NCOR2: variants seen among roughly 807,000 people sequenced by gnomAD.
NCOR2 encodes the protein CTG repeat protein 26.
NCOR2 carries 81 observed loss-of-function variants against 262.9 expected under a neutral mutation model. The ratio of observed to expected loss-of-function variants is 0.31; its 90% confidence interval spans 0.26 to 0.37. The LOEUF (loss-of-function observed/expected upper bound fraction) is 0.37. NCOR2 is among the 10% of genes least tolerant of loss of function. The probability of loss-of-function intolerance (pLI) is 1.00; values close to 1 mark genes in which losing one functional copy is unlikely to be tolerated. For missense variants in NCOR2, 3,385 were observed against 3,621.4 expected (o/e 0.93, Z 1.68); for synonymous variants, 1,659 against 1,559.3 (o/e 1.06, Z -1.51).
intron 16 of NCOR2, 41 bp from the exon 19 acceptor site, chr12:124,385,928 G>A (rs374714553): frequency 7.0e-5 from 112 of 1,596,244 alleles, no homozygotes; most frequent in South Asian, 3.1e-4. Flanking sequence ...GGCCAGGCCC[G>A]GCACGCAGAG....
intron 17 of NCOR2, among the ~76,000 whole-genome samples, chr12:124,382,285 C>T (rs544870842): frequency 9.2e-5 from 14 of 152,334 alleles, no homozygotes; most frequent in African/African-American, 2.6e-4. Context: ...ACTGTCAAGA[C>T]GGATGGCCTG....
rs568082454 is a variant in NCOR2 at position 124,373,595 on chromosome 12, G to T, written c.2218+818C>A. 1.6e-3 allele frequency among the ~76,000 whole-genome samples: 206 copies of T among 126,988 alleles called. 6 individuals are homozygous for T. The highest frequency in any genetic ancestry group is 6.6e-3 in the African/African-American group (192 of 29,104). 83.3% of individuals were successfully genotyped at this position (126,988 alleles called of 152,430 possible). A position where few individuals can be genotyped will look rare whatever the true frequency, so the allele number is the denominator to read the frequency against. On this transcript the variant is annotated intron_variant, in intron 19 of 46. Coordinates refer to ENST00000405201, the Ensembl canonical transcript of NCOR2. ...AGTGGGCAGTGAGGCCAGTGCGTGC[G>T]CAGGGGCCCCGGGCACAGTGGGCAG...
chr12:124,327,423 G>A, exon 45 of NCOR2: 7 of 1,610,928 alleles, frequency 4.3e-6, no homozygotes, highest in Non-Finnish European at 5.9e-6. Context: ...CGAGGTGAGT[G>A]TGTGGTCACT....
Position 124,548,394 on chromosome 12 carries a change from A to C in NCOR2, c.-164-12783T>G, listed in dbSNP as rs1305519428. 6.6e-6 allele frequency among the ~76,000 whole-genome samples: 1 copy of C among 152,186 alleles called. No individual in the cohort carries two copies. ...CTTCTGATGGGATCCCTCTGGCTGC[A>C]ACTCAGAGACCAGACAGGTGTGACC... is the stretch of plus-strand genomic sequence containing the variant. On this transcript the variant is annotated intron_variant, in intron 1 of 32. Transcript: ENST00000458234. The surrounding 1 kb of genome is among the most constrained non-coding windows in gnomAD (Gnocchi z 5.1).
At chr12:124,536,018 G>A (rs2051104108), upstream of NCOR2, among the ~76,000 whole-genome samples, 1 of 152,188 alleles carries the variant, frequency 6.6e-6, no homozygotes, top group Non-Finnish European at 1.5e-5. Flanking sequence ...CTGAAGGATG[G>A]GGTCCGGGGG....
In NCOR2 at chr12:124,448,146, G is replaced by T. The variant is rs763496875; in HGVS notation, c.815+1669C>A. Among the ~76,000 whole-genome samples the T allele has an allele frequency of 9.3e-4, 141 of 152,190 alleles. 1 individual carries two copies. Among genetic ancestry groups the T allele is most frequent in the Admixed American group, 8.5e-4 (13 of 15,280 alleles). ...CACAGCAGGCTCTCAATAAAGATGG[G>T]ATGAATGAATGAGGGAATGCCCCAA... On this transcript the variant is annotated intron_variant, in intron 7 of 46. Transcript: ENST00000405201.
At chr12:124,458,797 TA>T (rs1160772680) in intron 5 of NCOR2, among the ~76,000 whole-genome samples, 1 of 152,070 alleles carries the variant, frequency 6.6e-6, no homozygotes, top group Non-Finnish European at 1.5e-5. Flanking sequence ...GGCTTGGGAC[TA>T]GTATTTCCGG....
rs2049875946 is a variant in NCOR2, at chr12:124,517,358, C to A, written c.-118+18207G>T. 6.6e-6 allele frequency among the ~76,000 whole-genome samples: 1 copy of A among 152,222 alleles called. No homozygotes were observed. The highest frequency in any genetic ancestry group is 2.1e-4 in the South Asian group (1 of 4,830). ...CTCAGGACAAATCACTCCCTCATCC[C>A]CCCGGTTTGCAACTAAAGGCTCCTT... On this transcript the variant is annotated intron_variant, in intron 1 of 46. Coordinates refer to the NCOR2 transcript ENST00000404621. The surrounding 1 kb of genome is among the most constrained non-coding windows in gnomAD (Gnocchi z 7.6).
chr12:124,507,018 A>G (rs931581465), intron 1 of NCOR2, among the ~76,000 whole-genome samples: 1 of 152,150 alleles, frequency 6.6e-6, no homozygotes, highest in African/African-American at 2.4e-5. Flanking sequence ...GTTTTGCTTC[A>G]TGGCTAAGAA....
exon 30 of NCOR2, chr12:124,347,886 C>G (rs781039907): frequency 6.4e-7 from 1 of 1,565,816 alleles, no homozygotes; most frequent in Non-Finnish European, 8.7e-7. Context: ...TGTGTCGCTC[C>G]GGCGGGATGG....
intron 10 of NCOR2, among the ~76,000 whole-genome samples, chr12:124,429,188 C>A (rs900856575): frequency 1.3e-5 from 2 of 152,266 alleles, no homozygotes; most frequent in African/African-American, 4.8e-5. Context: ...CTCCCCCCAC[C>A]CTGCCAGGCT....
At chr12:124,428,849 G>A (rs1368586045) in intron 10 of NCOR2, among the ~76,000 whole-genome samples, 2 of 152,372 alleles carry the variant, frequency 1.3e-5, no homozygotes, top group African/African-American at 2.4e-5. Context: ...CCAGAAGGAA[G>A]AAACGTGCCG....
exon 40 of NCOR2, chr12:124,335,167 G>C (rs1320554285): frequency 4.3e-6 from 7 of 1,611,976 alleles, no homozygotes; most frequent in Non-Finnish European, 5.9e-6. Flanking sequence ...ACCACCCGCT[G>C]GTGACCTTTG....
At position 124,486,333 on chromosome 12, in the gene NCOR2, C is replaced by T. The variant is rs2280533; in HGVS notation, c.233+108G>A. ...GGGTGAACACACGGCCCGACATCCC[C>T]TCATTTCACAGGACCCTGTGTGCTC... On this transcript the variant is annotated intron_variant, in intron 2 of 46. Coordinates refer to ENST00000405201, the Ensembl canonical transcript of NCOR2. The T allele has an allele frequency of 1.9e-5, 29 of 1,503,748 alleles. 1 individual carries two copies. The Admixed American group carries it at 3.9e-4, about 20-fold the overall frequency. 93.2% of individuals were successfully genotyped at this position (1,503,748 alleles called of 1,614,324 possible). A position where few individuals can be genotyped will look rare whatever the true frequency, so the allele number is the denominator to read the frequency against.
intron 1 of NCOR2, chr12:124,513,811 T>A (rs1459859879): frequency 6.6e-6 from 1 of 152,138 alleles, no homozygotes; most frequent in African/African-American, 2.4e-5. Context: ...CATGACTGTA[T>A]CTAGGAGGGG....
At chr12:124,397,311 G>A (rs567083138) in intron 16 of NCOR2, among the ~76,000 whole-genome samples, 5 of 152,320 alleles carry the variant, frequency 3.3e-5, no homozygotes, top group South Asian at 2.1e-4. Flanking sequence ...ATCTGATTCC[G>A]CACAGCCAAC....
chr12:124,348,452 G>T, intron 28 of NCOR2, 138 bp from the exon 31 acceptor site: 1 of 1,198,840 alleles, frequency 8.3e-7, no homozygotes, highest in Non-Finnish European at 1.1e-6. Context: ...TCACAGCCGA[G>T]GCCTCCAGAG....
intron 1 of NCOR2, 104 bp from the exon 4 acceptor site, chr12:124,486,672 T>C (rs1288119938): frequency 2.2e-6 from 3 of 1,392,662 alleles, no homozygotes; most frequent in African/African-American, 2.9e-5. Context: ...TCAGGCTCGC[T>C]CCTGCCCTAG....
intron 1 of NCOR2, among the ~76,000 whole-genome samples, chr12:124,493,172 A>C (rs553927878): frequency 1.8e-4 from 28 of 152,328 alleles, no homozygotes; most frequent in African/African-American, 6.7e-4. Context: ...CCGAGGGCCC[A>C]GTTGGGGCAA....
Sources: allele counts gnomAD v4.1 joint callset (sites outside exome capture counted in the v4.1 genomes callset), GRCh38; gene constraint gnomAD v4.1.1; non-coding constraint Gnocchi (gnomAD v3.1); transcripts MANE v1.5; gene names NCBI Gene and HGNC (gene_info 2026-07-23, HGNC 2026-07-21).